The following CCDC172 variants were observed in gnomAD, a reference collection of about 807,000 sequenced individuals.
CCDC172 encodes coiled-coil domain-containing protein 172.
A neutral mutation model predicts 38.0 loss-of-function variants in CCDC172; 30 were observed. The ratio of observed to expected loss-of-function variants is 0.79; its 90% CI spans 0.59 to 1.07. The LOEUF is 1.07. CCDC172 is among the 50% of genes least tolerant of loss of function. The pLI, the probability that CCDC172 is intolerant of heterozygous loss-of-function variation, is 0.00. For synonymous variants in CCDC172, 78 were observed against 88.3 expected, an observed-to-expected ratio of 0.88 and a Z score of 0.66; for missense variants, 297 against 290.1, an observed-to-expected ratio of 1.02 and a Z score of -0.17.
intron 5 of CCDC172, among the ~76,000 whole-genome samples, chr10:116,346,379 T>A (rs1283644482): frequency 1.3e-5 from 2 of 151,636 alleles, no homozygotes; most frequent in African/African-American, 4.8e-5. Context: ...AAATGACTAA[T>A]TCTACTGATG....
At chr10:116,341,081 C>G (rs1433207893) in intron 4 of CCDC172, among the ~76,000 whole-genome samples, 1 of 151,842 alleles carries the variant, frequency 6.6e-6, no homozygotes, top group Non-Finnish European at 1.5e-5. Context: ...GTAATAAGCA[C>G]AAAAGAAACA....
intron 7 of CCDC172, among the ~76,000 whole-genome samples, chr10:116,376,545 G>A (rs1565726278): frequency 6.6e-6 from 1 of 152,136 alleles, no homozygotes; most frequent in Non-Finnish European, 1.5e-5. Flanking sequence ...TTAAATACAG[G>A]TATAAAATAA....
chr10:116,356,388 G>GAGGAAGGAGGGAAGGA (rs1844997413), intron 5 of CCDC172, among the ~76,000 whole-genome samples: 1 of 144,054 alleles, frequency 6.9e-6, no homozygotes, highest in African/African-American at 2.6e-5. Context: ...GGGAGGGAGG[G>GAGGAAGGAGGGAAGGA]AGGAAGGAAG....
intron 3 of CCDC172, among the ~76,000 whole-genome samples, chr10:116,334,602 TTTTA>T (rs369992180): frequency 1.2e-3 from 182 of 152,158 alleles, no homozygotes; most frequent in African/African-American, 4.3e-3. Context: ...TAATACTATA[TTTTA>T]TTTAACTAAT....
chr10:116,368,390 T>C (rs1279889879), intron 7 of CCDC172, among the ~76,000 whole-genome samples: 1 of 152,110 alleles, frequency 6.6e-6, no homozygotes, highest in Non-Finnish European at 1.5e-5. Context: ...TAAAGTTCTT[T>C]TAAAAAGAGG....
chr10:116,340,756 C>T lies in CCDC172; in HGVS notation c.188C>T (p.Ser63Phe), dbSNP rs117513116. 2.2e-4 allele frequency: 350 copies of T among 1,588,092 alleles called. No homozygotes were observed. The highest frequency in any genetic ancestry group is 8.7e-4 in the Middle Eastern group (5 of 5,736). The stretch of plus-strand genomic sequence containing the variant: ...AAGGTTCAACAGTTTTTTGAAAAAT[C>T]CTTCTTCTTACAGCTTTTGAAAGCT... ...ESKVQQFFEK[S>F]FFLQLLKAHE... is the part of the protein sequence containing the mutation. The change falls in exon 4 of 9, where the codon TCC becomes TTC. Residue 63 changes from serine to phenylalanine, a missense_variant. Physicochemically the swap from Ser to Phe is radical, Grantham distance 155. Coordinates refer to ENST00000333254, the MANE Select transcript of CCDC172 (RefSeq NM_198515.3).
chr10:116,358,773 T>C (rs1441334869), intron 7 of CCDC172, among the ~76,000 whole-genome samples: 4 of 152,326 alleles, frequency 2.6e-5, no homozygotes, highest in African/African-American at 9.6e-5. Flanking sequence ...TTGGGTGATA[T>C]GTATGATGCA....
chr10:116,333,891 C>T lies in CCDC172; in HGVS notation c.166-6843C>T, dbSNP rs143532585. 6.1e-3 allele frequency among the ~76,000 whole-genome samples: 927 copies of T among 152,210 alleles called. 8 individuals are homozygous for T. The highest frequency in any genetic ancestry group is 0.021 in the African/African-American group (880 of 41,524). ...AGTGGGAAGGATCAAAGGCAACTGGCGACTTACAGCTGTACCTGTGATCTG... is the reference window on the plus strand; with the variant it reads ...AGTGGGAAGGATCAAAGGCAACTGGTGACTTACAGCTGTACCTGTGATCTG... On this transcript the variant is annotated intron_variant, in intron 3 of 8. Transcript: ENST00000333254.
chr10:116,373,126 G>A (rs1372920066), intron 7 of CCDC172, among the ~76,000 whole-genome samples: 2 of 152,120 alleles, frequency 1.3e-5, no homozygotes, highest in Non-Finnish European at 1.5e-5. Context: ...AGTCATGGTG[G>A]CTCATACCTA....
At chr10:116,335,801 T>G (rs553529421) in intron 3 of CCDC172, among the ~76,000 whole-genome samples, 2 of 152,186 alleles carry the variant, frequency 1.3e-5, no homozygotes, top group African/African-American at 4.8e-5. Flanking sequence ...GTATTTATTT[T>G]GTTACTAGCT....
intron 5 of CCDC172, among the ~76,000 whole-genome samples, chr10:116,356,055 G>A (rs1389903373): frequency 1.3e-5 from 2 of 152,048 alleles, no homozygotes; most frequent in Admixed American, 6.6e-5. Context: ...TATCTGGGCC[G>A]GGTGCAGTGG....
Position 116,378,570 on chromosome 10 carries a change from C to T in CCDC172, c.741+60C>T, listed in dbSNP as rs79779475. On this transcript the variant is annotated intron_variant, in intron 8 of 8. Coordinates refer to ENST00000333254, the MANE Select transcript of CCDC172 (RefSeq NM_198515.3). ...CATTATTTTACCTACTGGTAAGGAA[C>T]GGTTTTACTGGTGTACAAATCACTG... is the stretch of plus-strand genomic sequence containing the variant. 8.9e-4 allele frequency: 1,175 copies of T among 1,326,900 alleles called. 11 individuals carry two copies. In the African/African-American group the frequency reaches 0.015, roughly 17 times the overall value. 82.2% of individuals were successfully genotyped at this position (1,326,900 alleles called of 1,614,324 possible).
rs1173087718 is a variant in CCDC172, at chr10:116,341,920, A to G, written c.283-116A>G. ...AAAACATTTTTGCCATAAAACCAGG[A>G]AGTGTAACTATATACTTTCATTGTT... On this transcript the variant is annotated intron_variant, in intron 4 of 8. Coordinates refer to ENST00000333254, the MANE Select transcript of CCDC172 (RefSeq NM_198515.3). The G allele has an allele frequency of 4.3e-6, 3 of 703,234 alleles. No individual in the cohort carries two copies. In the African/African-American group the frequency reaches 5.6e-5, roughly 13 times the overall value. The allele number at this position is 703,234 out of a possible 1,614,324, so 43.6% of individuals were successfully genotyped here. A position where few individuals can be genotyped will look rare whatever the true frequency, so the allele number is the denominator to read the frequency against.
intron 5 of CCDC172, among the ~76,000 whole-genome samples, chr10:116,356,365 G>A (rs1355860092): frequency 7.4e-6 from 1 of 135,112 alleles, no homozygotes; most frequent in Non-Finnish European, 1.5e-5. Flanking sequence ...AAGGGGGGGA[G>A]GAGGAAGAAG....
intron 2 of CCDC172, 88 bp from the exon 3 acceptor site, chr10:116,325,215 A>G: frequency 6.8e-7 from 1 of 1,464,774 alleles, no homozygotes; most frequent in Non-Finnish European, 9.5e-7. Context: ...TGCTGAGGGA[A>G]AGACAACTGA....
intron 3 of CCDC172, among the ~76,000 whole-genome samples, chr10:116,334,061 G>A (rs1401964611): frequency 6.6e-6 from 1 of 152,186 alleles, no homozygotes; most frequent in Non-Finnish European, 1.5e-5. Flanking sequence ...AGTTTCAAAT[G>A]TAGTCTAATT....
In CCDC172 at chr10:116,343,540, T is replaced by A. The variant is rs867058570; in HGVS notation, c.448+1339T>A. ...GTTTTTTTTTTTTTTTTTAAAAAAATATATATAAAAGATAGCTTGCATTTG... is the reference window on the plus strand; with the variant it reads ...GTTTTTTTTTTTTTTTTTAAAAAAAAATATATAAAAGATAGCTTGCATTTG... On this transcript the variant is annotated intron_variant, in intron 5 of 8. Transcript: ENST00000333254. Among the ~76,000 whole-genome samples the A allele has an allele frequency of 5.8e-4, 84 of 143,694 alleles. 3 individuals carry two copies. Among genetic ancestry groups the A allele is most frequent in the South Asian group, 5.6e-3 (26 of 4,626 alleles). 94.3% of individuals were successfully genotyped at this position (143,694 alleles called of 152,430 possible).
At chr10:116,342,332 T>G in intron 5 of CCDC172, 131 bp downstream of exon 5, 1 of 659,858 alleles carries the variant, frequency 1.5e-6, no homozygotes, top group African/African-American at 1.9e-5. Context: ...TTACTTTTAT[T>G]GATTTAATGA....
intron 3 of CCDC172, among the ~76,000 whole-genome samples, chr10:116,337,844 C>A (rs1007359479): frequency 6.6e-6 from 1 of 152,094 alleles, no homozygotes; most frequent in African/African-American, 2.4e-5. Flanking sequence ...TCAATACATT[C>A]AGGGTTATAT....
Sources: gnomAD v4.1 joint callset for allele counts (sites outside exome capture counted in the v4.1 genomes callset) on GRCh38, gnomAD v4.1.1 for gene constraint, MANE v1.5 for transcripts, NCBI Gene and HGNC (gene_info 2026-07-23, HGNC 2026-07-21) for gene names.